The following TMEM132B variants were observed in gnomAD, a reference collection of about 807,000 sequenced individuals.
The protein encoded by TMEM132B is transmembrane protein 132B.
In TMEM132B, 18 loss-of-function variants were observed where a neutral mutation model predicts 90.8. The ratio of observed to expected loss-of-function variants is 0.20; its 90% CI spans 0.14 to 0.29. TMEM132B has a LOEUF of 0.29. Ranked by LOEUF, TMEM132B falls within the 10% of genes least tolerant of loss-of-function variation. The pLI, the probability that TMEM132B is intolerant of heterozygous loss-of-function variation, is 1.00. For missense variants in TMEM132B, 1,096 were observed against 1,326.8 expected (o/e 0.83, Z 2.70); for synonymous variants, 504 against 523.3 (o/e 0.96, Z 0.50).
Position 125,432,511 on chromosome 12 carries a change from G to GTGTATATATATATATA in TMEM132B, c.1106+16835_1106+16836insGTATATATATATATAT, listed in dbSNP as rs1555248848. Among the ~76,000 whole-genome samples the GTGTATATATATATATA allele has an allele frequency of 2.2e-4, 4 of 18,554 alleles. 1 individual carries two copies. The highest frequency in any genetic ancestry group is 1.3e-3 in the African/African-American group (4 of 3,106). 12.2% of individuals were successfully genotyped at this position (18,554 alleles called of 152,430 possible). ...TGTATGTGTATATATATGTGTGTGTGTATATATATATATATATAGAGAGAG... is the reference window on the plus strand; with the variant it reads ...TGTATGTGTATATATATGTGTGTGTGTGTATATATATATATATATATATATATATATATAGAGAGAG... On this transcript the variant is annotated intron_variant, in intron 3 of 8. Transcript: ENST00000682704.
intron 4 of TMEM132B, among the ~76,000 whole-genome samples, chr12:125,563,598 C>CAAACAA (rs774597550): frequency 1.1e-3 from 167 of 150,266 alleles, no homozygotes; most frequent in South Asian, 4.3e-3. Flanking sequence ...AACAAACAAA[C>CAAACAA]AAAAAAAAAC....
chr12:125,307,790 A>ATGTATATACTTGTAATATACTTG (rs1876021358), intron 1 of TMEM132B, among the ~76,000 whole-genome samples: 8 of 133,226 alleles, frequency 6.0e-5, no homozygotes, highest in African/African-American at 1.8e-4. Context: ...TAATACAAGT[A>ATGTATATACTTGTAATATACTTG]TATTACAAGT....
intron 3 of TMEM132B, among the ~76,000 whole-genome samples, chr12:125,510,890 T>C (rs1453347244): frequency 6.6e-6 from 1 of 152,258 alleles, no homozygotes; most frequent in Non-Finnish European, 1.5e-5. Flanking sequence ...CATTTCCTTC[T>C]ATTTAAAAAC....
In TMEM132B at chr12:125,613,332, C is replaced by T. The variant is rs893546472; in HGVS notation, c.1437+29338C>T. Among the ~76,000 whole-genome samples the T allele has an allele frequency of 1.6e-3, 240 of 148,184 alleles. 1 individual carries two copies. The highest frequency in any genetic ancestry group is 5.6e-3 in the African/African-American group (225 of 40,368). On this transcript the variant is annotated intron_variant, in intron 5 of 8. Transcript: ENST00000682704. Reference sequence around the variant, plus strand: ...TCAGAGTAAATGGGATATCCACAACCGAATTTATCTTTGAATTCAAAATAT... The same window carrying T: ...TCAGAGTAAATGGGATATCCACAACTGAATTTATCTTTGAATTCAAAATAT...
intron 2 of TMEM132B, among the ~76,000 whole-genome samples, chr12:125,414,376 C>A (rs954789695): frequency 6.6e-6 from 1 of 151,984 alleles, no homozygotes; most frequent in Non-Finnish European, 1.5e-5. Flanking sequence ...TGGAGGTAAT[C>A]TTTGCTTCCC....
At chr12:125,609,816 CAAAAAAAAAAAAAAAA>C (rs763840695) in intron 5 of TMEM132B, among the ~76,000 whole-genome samples, 4 of 39,432 alleles carry the variant, frequency 1.0e-4, no homozygotes, top group South Asian at 1.2e-3. Flanking sequence ...GACTCTGTCT[CAAAAAAAAAAAAAAAA>C]AAAAAAAAAA....
At chr12:125,518,342 G>A (rs543336561) in intron 3 of TMEM132B, among the ~76,000 whole-genome samples, 2 of 152,302 alleles carry the variant, frequency 1.3e-5, no homozygotes, top group Admixed American at 6.5e-5. Context: ...GTGAGTTTGG[G>A]AGCCCAGACT....
At chr12:125,552,370 G>A (rs1407176006) in intron 4 of TMEM132B, among the ~76,000 whole-genome samples, 4 of 152,222 alleles carry the variant, frequency 2.6e-5, no homozygotes, top group Non-Finnish European at 5.9e-5. Flanking sequence ...TCTAGGCAGA[G>A]ACAGAGGGGG....
intron 1 of TMEM132B, among the ~76,000 whole-genome samples, chr12:125,230,794 C>T (rs1873803329): frequency 6.6e-6 from 1 of 151,886 alleles, no homozygotes; most frequent in Admixed American, 6.6e-5. Flanking sequence ...GTGAGCCACA[C>T]ATCTGTGTTT....
chr12:125,561,227 G>A (rs1302015128), intron 4 of TMEM132B, among the ~76,000 whole-genome samples: 8 of 152,122 alleles, frequency 5.3e-5, no homozygotes, highest in Admixed American at 2.0e-4. Flanking sequence ...TTGCAGGGAC[G>A]TGGATGAAGC....
chr12:125,240,074 G>C (rs1874031527), intron 1 of TMEM132B, among the ~76,000 whole-genome samples: 1 of 152,222 alleles, frequency 6.6e-6, no homozygotes, highest in South Asian at 2.1e-4. Context: ...CATGTGGCTT[G>C]CAGGGTCGTT....
At chr12:125,482,296 C>G (rs1359791649) in intron 3 of TMEM132B, among the ~76,000 whole-genome samples, 2 of 151,938 alleles carry the variant, frequency 1.3e-5, no homozygotes. Context: ...GCAAAAGAAA[C>G]TACCATCAGA....
At chr12:125,597,971 A>C (rs976638399) in intron 5 of TMEM132B, among the ~76,000 whole-genome samples, 1 of 152,174 alleles carries the variant, frequency 6.6e-6, no homozygotes, top group African/African-American at 2.4e-5. Context: ...TAAAGACTTA[A>C]TGAATCCTAA....
At chr12:125,432,719 C>T (rs1880578684) in intron 3 of TMEM132B, among the ~76,000 whole-genome samples, 1 of 151,760 alleles carries the variant, frequency 6.6e-6, no homozygotes, top group Non-Finnish European at 1.5e-5. Flanking sequence ...ACAAGCAGTG[C>T]ATTAAAAAGC....
Position 125,644,197 on chromosome 12 carries a change from C to T in TMEM132B, c.1559C>T (p.Pro520Leu). 2 of 1,614,176 alleles carry T rather than the reference C, an allele frequency of 1.2e-6. No individual in the cohort carries two copies. Among genetic ancestry groups the T allele is most frequent in the Non-Finnish European group, 1.7e-6 (2 of 1,180,026 alleles). The change falls in exon 6 of 9, where the codon CCC becomes CTC. Residue 520 changes from proline to leucine, a missense_variant. Coordinates refer to ENST00000682704, the MANE Select transcript of TMEM132B (RefSeq NM_001366854.1). ...CAGTTCGAGGTCACTGTCTGGGCAC[C>T]CAGGCTCCCCCTGCAGATTGAGATC... ...TSQFEVTVWA[P>L]RLPLQIEISD... is the part of the protein sequence containing the mutation.
chr12:125,627,770 C>T (rs910783308), intron 5 of TMEM132B, among the ~76,000 whole-genome samples: 2 of 152,020 alleles, frequency 1.3e-5, no homozygotes, highest in African/African-American at 4.8e-5. Flanking sequence ...TTTATTCTTT[C>T]TATCATTTTG....
intron 3 of TMEM132B, among the ~76,000 whole-genome samples, chr12:125,508,516 T>C (rs1306816979): frequency 3.3e-5 from 5 of 152,158 alleles, no homozygotes; most frequent in Non-Finnish European, 5.9e-5. Context: ...GTTGGACTTA[T>C]AGGAGCCCTC....
At chr12:125,486,635 G>A (rs979922994) in intron 3 of TMEM132B, among the ~76,000 whole-genome samples, 2 of 152,114 alleles carry the variant, frequency 1.3e-5, no homozygotes, top group Non-Finnish European at 2.9e-5. Flanking sequence ...CCCACCCCCC[G>A]GAAAATTATT....
At chr12:125,553,677 G>A (rs1321517438) in intron 4 of TMEM132B, among the ~76,000 whole-genome samples, 1 of 152,072 alleles carries the variant, frequency 6.6e-6, no homozygotes, top group African/African-American at 2.4e-5. Context: ...AATCACATAG[G>A]GAGAATATTT....
Sources: gnomAD v4.1 joint callset for allele counts (sites outside exome capture counted in the v4.1 genomes callset) on GRCh38, gnomAD v4.1.1 for gene constraint, MANE v1.5 for transcripts, NCBI Gene and HGNC (gene_info 2026-07-23, HGNC 2026-07-21) for gene names.